PHIP: variants seen among roughly 807,000 people sequenced by gnomAD.
PHIP encodes the protein PHIP subunit of CUL4-Ring ligase complex.
PHIP carries 54 observed loss-of-function variants against 236.8 expected under a neutral mutation model. That is an observed-to-expected ratio of 0.23 (90% CI 0.18 to 0.29). The LOEUF is 0.29. PHIP is among the 10% of genes least tolerant of loss of function. The pLI is 1.00. For missense variants in PHIP, 1,370 were observed against 2,190.8 expected, an observed-to-expected ratio of 0.63 and a Z score of 7.48; for synonymous variants, 756 against 718.9, an observed-to-expected ratio of 1.05 and a Z score of -0.83.
At chr6:78,960,080 A>G (rs1357973438) in intron 31 of PHIP, among the ~76,000 whole-genome samples, 1 of 152,180 alleles carries the variant, frequency 6.6e-6, no homozygotes, top group African/African-American at 2.4e-5. Context: ...CAGCATCATG[A>G]AAGAGTACAT....
chr6:79,025,369 A>C (rs1771345458), intron 9 of PHIP, 150 bp downstream of exon 9: 4 of 529,318 alleles, frequency 7.6e-6, no homozygotes, highest in Non-Finnish European at 1.4e-5. Context: ...AATAAAAATA[A>C]AACAGGTTAG....
At chr6:79,043,132 G>A in intron 6 of PHIP, 129 bp from the exon 7 acceptor site, 2 of 694,262 alleles carry the variant, frequency 2.9e-6, no homozygotes, top group South Asian at 1.8e-5. Context: ...TGATATATAT[G>A]GCTTCTAGTT....
chr6:79,018,354 T>C (rs1160135480), intron 10 of PHIP, among the ~76,000 whole-genome samples: 11 of 151,930 alleles, frequency 7.2e-5, no homozygotes, highest in East Asian at 1.9e-4. Flanking sequence ...GATATTAGTA[T>C]GGCAAAGACA....
chr6:78,972,492 C>T (rs984270589), intron 24 of PHIP, among the ~76,000 whole-genome samples: 11 of 152,244 alleles, frequency 7.2e-5, no homozygotes, highest in African/African-American at 2.2e-4. Context: ...CAAAGGAACA[C>T]AGCTCCTCAC....
At chr6:79,004,656 TG>T (rs1397396906) in intron 15 of PHIP, among the ~76,000 whole-genome samples, 1 of 152,110 alleles carries the variant, frequency 6.6e-6, no homozygotes, top group Admixed American at 6.6e-5. Context: ...CAACAAATGC[TG>T]TTGGATTTCT....
chr6:78,960,128 G>A (rs1352779409), intron 31 of PHIP, among the ~76,000 whole-genome samples: 1 of 152,110 alleles, frequency 6.6e-6, no homozygotes, highest in Non-Finnish European at 1.5e-5. Context: ...AAAATTTGAA[G>A]TATGGTTTCT....
intron 35 of PHIP, among the ~76,000 whole-genome samples, chr6:78,954,482 T>C (rs1048394933): frequency 6.6e-6 from 1 of 151,846 alleles, no homozygotes; most frequent in Non-Finnish European, 1.5e-5. Flanking sequence ...TTTTTCTAGA[T>C]AATTGCCATA....
chr6:79,068,917 AT>A (rs1773756195), intron 4 of PHIP, among the ~76,000 whole-genome samples: 2 of 152,034 alleles, frequency 1.3e-5, no homozygotes, highest in African/African-American at 4.8e-5. Context: ...CACCAGTATC[AT>A]TTGTCTAACT....
rs571845344 is a variant in PHIP at position 78,992,197 on chromosome 6, C to T, written c.2202-1212G>A. Among the ~76,000 whole-genome samples, 137 of 152,106 alleles carry T rather than the reference C, an allele frequency of 9.0e-4. 1 individual carries two copies. The highest frequency in any genetic ancestry group is 2.9e-3 in the African/African-American group (122 of 41,510). ...CAGGATGGTCTCGATCTCCTGACCT[C>T]GTGATCCCCCCCACCTCGGCCTCCC... On this transcript the variant is annotated intron_variant, in intron 19 of 39. Coordinates refer to ENST00000275034, the MANE Select transcript of PHIP (RefSeq NM_017934.7).
intron 4 of PHIP, among the ~76,000 whole-genome samples, chr6:79,072,783 G>T (rs1773952033): frequency 6.6e-6 from 1 of 152,048 alleles, no homozygotes; most frequent in Admixed American, 6.6e-5. Flanking sequence ...TTTTAATGTG[G>T]CCTTTTTATA....
Position 78,997,556 on chromosome 6 carries a change from C to G in PHIP, c.2059G>C (p.Val687Leu). 6.2e-7 allele frequency: 1 copy of G among 1,613,804 alleles called. No individual in the cohort carries two copies. Among genetic ancestry groups the G allele is most frequent in the Non-Finnish European group, 8.5e-7 (1 of 1,179,816 alleles). The change falls in exon 19 of 40, where the codon GTA becomes CTA. Residue 687 changes from valine (V) to leucine (L), a missense_variant. Transcript: ENST00000275034. ...ATTTGTCCACTACGTCTTAGTCCTA[C>G]GTTTGGTGGTGAATGAACCTCTGAG... Reference protein sequence around the residue: ...STSEVHSPPNVGLRRSGQIEG... With the variant: ...STSEVHSPPNLGLRRSGQIEG...
At chr6:79,048,951 G>A (rs1272139207) in intron 6 of PHIP, among the ~76,000 whole-genome samples, 1 of 152,208 alleles carries the variant, frequency 6.6e-6, no homozygotes, top group Non-Finnish European at 1.5e-5. Context: ...AGGTATCTCA[G>A]TAAAATTTGG....
At chr6:79,023,985 C>T (rs1771264367) in intron 9 of PHIP, among the ~76,000 whole-genome samples, 1 of 152,194 alleles carries the variant, frequency 6.6e-6, no homozygotes. Flanking sequence ...TTAACTATTG[C>T]TACTGTCCAT....
chr6:79,005,358 G>A (rs572023204), intron 15 of PHIP, among the ~76,000 whole-genome samples: 8 of 151,948 alleles, frequency 5.3e-5, no homozygotes, highest in African/African-American at 1.9e-4. Flanking sequence ...GAGCCATACA[G>A]CTAGGCATTT....
chr6:79,028,725 C>T (rs887360393), intron 7 of PHIP, among the ~76,000 whole-genome samples: 4 of 152,190 alleles, frequency 2.6e-5, no homozygotes, highest in African/African-American at 9.7e-5. Flanking sequence ...ATTTTAAGTA[C>T]ACTACAGTAG....
At chr6:78,996,817 C>T (rs1769644415) in intron 19 of PHIP, among the ~76,000 whole-genome samples, 2 of 152,120 alleles carry the variant, frequency 1.3e-5, no homozygotes, top group Admixed American at 1.3e-4. Context: ...ACACAGAAAT[C>T]AGCCTTACTT....
intron 6 of PHIP, among the ~76,000 whole-genome samples, chr6:79,049,929 T>A (rs1410600170): frequency 6.6e-6 from 1 of 152,034 alleles, no homozygotes; most frequent in African/African-American, 2.4e-5. Context: ...ATGTTGCTCA[T>A]TTTAGAGATC....
chr6:78,991,051 T>C (rs1769209516), intron 19 of PHIP, 66 bp from the exon 20 acceptor site: 3 of 936,064 alleles, frequency 3.2e-6, no homozygotes, highest in South Asian at 3.0e-5. Context: ...AAAAGGAATG[T>C]TAGGTATCAG....
intron 6 of PHIP, among the ~76,000 whole-genome samples, chr6:79,055,311 C>G (rs896652964): frequency 2.6e-5 from 4 of 152,116 alleles, no homozygotes; most frequent in African/African-American, 7.2e-5. Context: ...AAACCAACTT[C>G]CAAATTTAAT....
Sources: gnomAD v4.1 joint callset for allele counts (sites outside exome capture counted in the v4.1 genomes callset) on GRCh38, gnomAD v4.1.1 for gene constraint, MANE v1.5 for transcripts, NCBI Gene and HGNC (gene_info 2026-07-23, HGNC 2026-07-21) for gene names.